SLC8A1: variants seen among roughly 807,000 people sequenced by gnomAD.
SLC8A1 encodes solute carrier family 8 member A1, also known as sodium/calcium exchanger 1.
In SLC8A1, 18 loss-of-function variants were observed where a neutral mutation model predicts 68.3. That is an observed-to-expected ratio of 0.26 (90% CI 0.18 to 0.39). SLC8A1 has a LOEUF of 0.39. Ranked by LOEUF, SLC8A1 falls within the 10% of genes least tolerant of loss-of-function variation. The pLI is 1.00. For missense variants in SLC8A1, 985 were observed against 1,156.7 expected (o/e 0.85, Z 2.15); for synonymous variants, 475 against 415.5 (o/e 1.14, Z -1.74).
chr2:40,216,513 T>C (rs1214889251), intron 2 of SLC8A1, among the ~76,000 whole-genome samples: 4 of 152,232 alleles, frequency 2.6e-5, no homozygotes, highest in African/African-American at 9.6e-5. Flanking sequence ...TTTGAGTGTA[T>C]ACCCTGTAAT....
chr2:40,441,537 A>G (rs1413841601), intron 1 of SLC8A1, among the ~76,000 whole-genome samples: 1 of 152,124 alleles, frequency 6.6e-6, no homozygotes, highest in Non-Finnish European at 1.5e-5. Flanking sequence ...TACAGTAATC[A>G]AAACAGTACG....
intron 1 of SLC8A1, among the ~76,000 whole-genome samples, chr2:40,441,002 G>A (rs1224742034): frequency 6.6e-6 from 1 of 152,170 alleles, no homozygotes; most frequent in South Asian, 2.1e-4. Context: ...TCTGTTTGCA[G>A]ATGACATAAT....
exon 8 of SLC8A1, chr2:40,110,743 A>G (rs1049086510): frequency 3.9e-5 from 6 of 152,152 alleles, no homozygotes; most frequent in Non-Finnish European, 8.8e-5. Context: ...ATAGTCAGAA[A>G]GTCAGAATCA....
At chr2:40,167,199 G>A (rs979408531) in intron 4 of SLC8A1, among the ~76,000 whole-genome samples, 6 of 152,136 alleles carry the variant, frequency 3.9e-5, no homozygotes, top group Admixed American at 6.5e-5. Flanking sequence ...TTCTGATCAG[G>A]AAGAAATGCT....
chr2:40,189,212 G>C (rs186874192), intron 2 of SLC8A1, among the ~76,000 whole-genome samples: 21 of 152,222 alleles, frequency 1.4e-4, no homozygotes, highest in Non-Finnish European at 2.9e-4. Context: ...ATTGCCAGAA[G>C]GAATAATAGT....
upstream of SLC8A1, among the ~76,000 whole-genome samples, chr2:40,452,841 G>A (rs547103048): frequency 1.3e-5 from 2 of 151,878 alleles, no homozygotes; most frequent in African/African-American, 4.8e-5. Flanking sequence ...GTTTCACCTG[G>A]GAATAAAGAC....
chr2:40,177,269 C>T (rs887361798), intron 3 of SLC8A1, among the ~76,000 whole-genome samples: 4 of 152,066 alleles, frequency 2.6e-5, no homozygotes, highest in African/African-American at 9.7e-5. Flanking sequence ...TCCAAAGAAG[C>T]CTAATTATTT....
intron 4 of SLC8A1, among the ~76,000 whole-genome samples, chr2:40,166,806 A>G (rs904124813): frequency 6.6e-6 from 1 of 152,238 alleles, no homozygotes; most frequent in African/African-American, 2.4e-5. Context: ...TTATGCTAGC[A>G]TCTTTGTTTG....
rs557138409 is a variant in SLC8A1 at position 40,481,504 on chromosome 2, A to C, written c.-25+30845T>G. Among the ~76,000 whole-genome samples, 26 of 152,288 alleles carry C rather than the reference A, an allele frequency of 1.7e-4. 1 individual carries two copies. The East Asian group carries it at 5.0e-3, about 29-fold the overall frequency. On this transcript the variant is annotated intron_variant, in intron 1 of 7. Coordinates refer to the SLC8A1 transcript ENST00000402441. ...TCTTACAGAACTGTTGTAAGAATGC[A>C]ACCAGATTTTTTAGCTTCTAGTAGG...
At chr2:40,276,695 G>A (rs1400350057) in intron 2 of SLC8A1, among the ~76,000 whole-genome samples, 1 of 152,132 alleles carries the variant, frequency 6.6e-6, no homozygotes, top group Non-Finnish European at 1.5e-5. Context: ...ATGGTTTCAG[G>A]AAACTATCAC....
At chr2:40,119,688 G>A (rs550142687) in intron 7 of SLC8A1, among the ~76,000 whole-genome samples, 6 of 152,308 alleles carry the variant, frequency 3.9e-5, no homozygotes, top group South Asian at 2.1e-4. Flanking sequence ...TTTCCAATGC[G>A]ATTGACACAA....
upstream of SLC8A1, among the ~76,000 whole-genome samples, chr2:40,455,675 G>A (rs1336985831): frequency 3.9e-5 from 6 of 152,206 alleles, no homozygotes; most frequent in Admixed American, 2.6e-4. Context: ...CTTTGCTGAT[G>A]AGTAGATCCA....
At chr2:40,375,337 G>A (rs913963649) in intron 2 of SLC8A1, among the ~76,000 whole-genome samples, 4 of 152,034 alleles carry the variant, frequency 2.6e-5, no homozygotes, top group East Asian at 1.9e-4. Context: ...TGGTTTGTTT[G>A]GTTTATTTTC....
At chr2:40,428,766 T>G (rs1290650469) in exon 2 of SLC8A1, 1 of 1,613,724 alleles carries the variant, frequency 6.2e-7, no homozygotes, top group African/African-American at 1.3e-5. Flanking sequence ...TGCCATCTTC[T>G]GAAGCTTCAG....
rs1014952222 is a variant in SLC8A1 at position 40,506,875 on chromosome 2, C to T, written c.-25+5474G>A. Among the ~76,000 whole-genome samples the T allele has an allele frequency of 8.6e-5, 13 of 152,032 alleles. No individual in the cohort carries two copies. In the East Asian group the frequency reaches 1.2e-3, roughly 14 times the overall value. ...AAGGTGGACATGACCTCTATTCCTC[C>T]GCACATGTCTGGTAGAATGTGAGGA... On this transcript the variant is annotated intron_variant, in intron 1 of 7. Coordinates refer to the SLC8A1 transcript ENST00000402441.
chr2:40,428,628 C>T (rs1697509677), exon 2 of SLC8A1: 1 of 1,613,742 alleles, frequency 6.2e-7, no homozygotes, highest in Admixed American at 1.7e-5. Context: ...TGCCAATGCT[C>T]TCACTCACAT....
intron 1 of SLC8A1, among the ~76,000 whole-genome samples, chr2:40,467,756 AC>A (rs1703778166): frequency 6.6e-6 from 1 of 152,104 alleles, no homozygotes. Context: ...TTTCTGTAAC[AC>A]TTTTGCATTC....
intron 2 of SLC8A1, among the ~76,000 whole-genome samples, chr2:40,285,325 G>T (rs1240799778): frequency 2.6e-5 from 4 of 152,066 alleles, no homozygotes; most frequent in Admixed American, 1.3e-4. Context: ...AGGGTTCTTT[G>T]TAAGGACAGA....
intron 1 of SLC8A1, among the ~76,000 whole-genome samples, chr2:40,447,405 C>T (rs1022321140): frequency 1.3e-4 from 20 of 151,980 alleles, no homozygotes; most frequent in Non-Finnish European, 2.6e-4. Context: ...CTCTCTATCC[C>T]TCCCCATCAA....
Sources: allele counts gnomAD v4.1 joint callset (sites outside exome capture counted in the v4.1 genomes callset), GRCh38; gene constraint gnomAD v4.1.1; transcripts MANE v1.5; gene names NCBI Gene and HGNC (gene_info 2026-07-23, HGNC 2026-07-21).